AGBL4: variants seen among roughly 807,000 people sequenced by gnomAD.
AGBL4 encodes AGBL carboxypeptidase 4, also known as cytosolic carboxypeptidase 6.
In AGBL4, 58 loss-of-function variants were observed where a neutral mutation model predicts 66.4. That is an observed-to-expected ratio of 0.87 (90% CI 0.71 to 1.09). The LOEUF is 1.09. Ranked by LOEUF, AGBL4 falls within the 50% of genes least tolerant of loss-of-function variation. The pLI is 0.00. For missense variants in AGBL4, 579 were observed against 631.0 expected (o/e 0.92, Z 0.88); for synonymous variants, 234 against 222.9 (o/e 1.05, Z -0.44).
chr1:49,292,959 A>G (rs1382498522), intron 3 of AGBL4, among the ~76,000 whole-genome samples: 1 of 152,204 alleles, frequency 6.6e-6, no homozygotes, highest in African/African-American at 2.4e-5. Context: ...ACTGAAACAC[A>G]TCCCTTGCTT....
intron 6 of AGBL4, among the ~76,000 whole-genome samples, chr1:48,722,279 A>AT (rs1188882112): frequency 6.6e-6 from 1 of 152,224 alleles, no homozygotes; most frequent in Non-Finnish European, 1.5e-5. Context: ...AAAGTCCTGT[A>AT]TTTCATTTAA....
intron 2 of AGBL4, among the ~76,000 whole-genome samples, chr1:49,812,073 C>T (rs887853927): frequency 3.3e-5 from 5 of 152,022 alleles, no homozygotes; most frequent in African/African-American, 4.8e-5. Context: ...GCAATCATTG[C>T]ACATAATGAA....
At chr1:48,795,640 T>C (rs941580571) in intron 6 of AGBL4, among the ~76,000 whole-genome samples, 3 of 152,200 alleles carry the variant, frequency 2.0e-5, no homozygotes, top group African/African-American at 7.2e-5. Context: ...TGTATATGTA[T>C]ATGTATTTAG....
chr1:49,122,900 G>C (rs1334332328), intron 4 of AGBL4, among the ~76,000 whole-genome samples: 3 of 151,986 alleles, frequency 2.0e-5, no homozygotes, highest in African/African-American at 7.3e-5. Context: ...GTCACCCAGG[G>C]TGGAGTGCAG....
chr1:49,380,150 A>G (rs1328193538), intron 3 of AGBL4, among the ~76,000 whole-genome samples: 1 of 152,160 alleles, frequency 6.6e-6, no homozygotes, highest in African/African-American at 2.4e-5. Flanking sequence ...AACTTCAGCA[A>G]AGTCTCAGGA....
rs78103208 is a variant in AGBL4, at chr1:48,866,898, A to C, written c.634+293T>G. On this transcript the variant is annotated intron_variant, in intron 6 of 13. Transcript: ENST00000371839. Reference sequence around the variant, plus strand: ...TCAGGGACTGGGAGACTTCCTTGACACGTGGGTCCAATGAGTGATTTGGAG... The same window carrying C: ...TCAGGGACTGGGAGACTTCCTTGACCCGTGGGTCCAATGAGTGATTTGGAG... Among the ~76,000 whole-genome samples the C allele has an allele frequency of 1.6e-3, 249 of 152,282 alleles. 11 individuals are homozygous for C. In the East Asian group the frequency reaches 0.044, roughly 27 times the overall value.
intron 4 of AGBL4, among the ~76,000 whole-genome samples, chr1:49,105,338 A>G (rs1365480442): frequency 6.6e-6 from 1 of 152,140 alleles, no homozygotes; most frequent in Non-Finnish European, 1.5e-5. Flanking sequence ...ATTATTTAAG[A>G]GGTCTCTGAG....
chr1:49,733,606 C>A (rs947650430), intron 2 of AGBL4, among the ~76,000 whole-genome samples: 1 of 152,130 alleles, frequency 6.6e-6, no homozygotes, highest in African/African-American at 2.4e-5. Context: ...TGTATCCCCC[C>A]AAATTCACAT....
At chr1:49,843,222 G>A (rs1188400608) in intron 2 of AGBL4, among the ~76,000 whole-genome samples, 3 of 152,094 alleles carry the variant, frequency 2.0e-5, no homozygotes, top group African/African-American at 7.2e-5. Flanking sequence ...GACCTTCTGG[G>A]CTCGGGTGAT....
At chr1:49,434,868 C>G (rs761180777) in intron 3 of AGBL4, among the ~76,000 whole-genome samples, 3 of 152,004 alleles carry the variant, frequency 2.0e-5, no homozygotes, top group African/African-American at 7.3e-5. Flanking sequence ...GTTATTCTGT[C>G]CTCTGCAAAA....
At chr1:49,904,520 C>A (rs1443399769) in intron 1 of AGBL4, among the ~76,000 whole-genome samples, 3 of 151,998 alleles carry the variant, frequency 2.0e-5, no homozygotes, top group Non-Finnish European at 4.4e-5. Flanking sequence ...TATGGAGATC[C>A]TCATATAAGA....
intron 6 of AGBL4, among the ~76,000 whole-genome samples, chr1:48,752,020 T>C (rs1651819718): frequency 6.6e-6 from 1 of 152,218 alleles, no homozygotes; most frequent in Admixed American, 6.5e-5. Flanking sequence ...CCACTTCTTA[T>C]TACTAGGTCT....
chr1:49,891,355 C>T (rs1486103440), intron 1 of AGBL4, among the ~76,000 whole-genome samples: 1 of 152,152 alleles, frequency 6.6e-6, no homozygotes, highest in Non-Finnish European at 1.5e-5. Flanking sequence ...TCATCTGTAT[C>T]AGTGATTCTC....
chr1:49,538,610 C>T (rs544002759), intron 3 of AGBL4, among the ~76,000 whole-genome samples: 31 of 152,076 alleles, frequency 2.0e-4, no homozygotes, highest in South Asian at 1.7e-3. Flanking sequence ...GACTGAAATA[C>T]GCTGATAATT....
chr1:49,193,476 G>A (rs1647162271), intron 4 of AGBL4, among the ~76,000 whole-genome samples: 1 of 149,472 alleles, frequency 6.7e-6, no homozygotes, highest in Non-Finnish European at 1.5e-5. Flanking sequence ...TCAGGAGCAT[G>A]TTGTTTAATC....
chr1:49,970,028 A>C (rs1657919660), intron 1 of AGBL4, among the ~76,000 whole-genome samples: 1 of 152,198 alleles, frequency 6.6e-6, no homozygotes, highest in African/African-American at 2.4e-5. Context: ...GATAGTGTTG[A>C]GAAAATTGGA....
chr1:49,857,472 C>A (rs1411796211), intron 1 of AGBL4, among the ~76,000 whole-genome samples: 1 of 151,748 alleles, frequency 6.6e-6, no homozygotes, highest in Non-Finnish European at 1.5e-5. Flanking sequence ...ACTTCATATG[C>A]CAAAACAAAA....
intron 6 of AGBL4, among the ~76,000 whole-genome samples, chr1:48,672,406 A>C (rs2148468369): frequency 6.6e-6 from 1 of 152,352 alleles, no homozygotes; most frequent in Admixed American, 6.5e-5. Context: ...CCAAGATAAA[A>C]GTCAGTAAAG....
intron 9 of AGBL4, among the ~76,000 whole-genome samples, chr1:48,593,757 AT>A (rs1463117055): frequency 1.3e-5 from 2 of 152,186 alleles, no homozygotes; most frequent in African/African-American, 4.8e-5. Flanking sequence ...TCTCAAAAAA[AT>A]AAATAAATAA....
Sources: gnomAD v4.1 joint callset for allele counts (sites outside exome capture counted in the v4.1 genomes callset) on GRCh38, gnomAD v4.1.1 for gene constraint, MANE v1.5 for transcripts, NCBI Gene and HGNC (gene_info 2026-07-23, HGNC 2026-07-21) for gene names.